The following ZNF804A variants were observed in gnomAD, a reference collection of about 807,000 sequenced individuals.
ZNF804A encodes the protein zinc finger protein 804A.
Under a neutral mutation model 16.5 loss-of-function variants are expected in ZNF804A, and 2 were observed. That is an observed-to-expected ratio of 0.12 (90% CI 0.05 to 0.38). The LOEUF (loss-of-function observed/expected upper bound fraction) is 0.38, where lower values mean the gene tolerates loss of function less well. Among genes scored for constraint, ZNF804A ranks in the 10% least tolerant of loss-of-function variants. ZNF804A has a pLI of 0.99. For missense variants in ZNF804A, 1,473 were observed against 1,390.7 expected, an observed-to-expected ratio of 1.06 and a Z score of -0.94; for synonymous variants, 534 against 489.6, an observed-to-expected ratio of 1.09 and a Z score of -1.20.
chr2:184,906,668 G>A (rs1197454056), intron 2 of ZNF804A, among the ~76,000 whole-genome samples: 2 of 151,994 alleles, frequency 1.3e-5, no homozygotes, highest in African/African-American at 2.4e-5. Flanking sequence ...TGGCCATCAA[G>A]ATTACCAGTA....
chr2:184,718,451 A>T (rs1269077832), intron 1 of ZNF804A, among the ~76,000 whole-genome samples: 3 of 152,174 alleles, frequency 2.0e-5, no homozygotes, highest in Non-Finnish European at 4.4e-5. Context: ...TTAACTCAAA[A>T]GTCCATAGCC....
intron 2 of ZNF804A, among the ~76,000 whole-genome samples, chr2:184,888,538 A>C (rs1684932518): frequency 1.3e-5 from 2 of 152,170 alleles, no homozygotes; most frequent in Admixed American, 1.3e-4. Context: ...AAGCATAGGC[A>C]TCTCATCCCA....
At chr2:184,933,938 G>A (rs568413634) in intron 3 of ZNF804A, among the ~76,000 whole-genome samples, 152 of 151,908 alleles carry the variant, frequency 1.0e-3, no homozygotes, top group African/African-American at 3.5e-3. Context: ...TCAGTAAAAA[G>A]CCAAAATTAC....
chr2:184,776,298 T>C (rs1694283667), intron 1 of ZNF804A, among the ~76,000 whole-genome samples: 1 of 151,282 alleles, frequency 6.6e-6, no homozygotes, highest in African/African-American at 2.4e-5. Context: ...TTGAAAAAAA[T>C]GCTGGAATGA....
chr2:184,681,415 G>A (rs1292239295), intron 1 of ZNF804A, among the ~76,000 whole-genome samples: 1 of 152,202 alleles, frequency 6.6e-6, no homozygotes, highest in Non-Finnish European at 1.5e-5. Context: ...AGAAAGAGCT[G>A]ATATCAAAGT....
At chr2:184,820,230 G>A (rs1193852377) in intron 1 of ZNF804A, among the ~76,000 whole-genome samples, 2 of 151,986 alleles carry the variant, frequency 1.3e-5, no homozygotes, top group Non-Finnish European at 2.9e-5. Context: ...CGATCAAGTT[G>A]GCTTCATCCC....
intron 2 of ZNF804A, among the ~76,000 whole-genome samples, chr2:184,905,796 G>T (rs1045187309): frequency 6.6e-6 from 1 of 152,042 alleles, no homozygotes; most frequent in Non-Finnish European, 1.5e-5. Flanking sequence ...AAATTAGAAG[G>T]CCTTTGTTTT....
At chr2:184,682,229 C>T (rs1156547969) in intron 1 of ZNF804A, among the ~76,000 whole-genome samples, 1 of 152,082 alleles carries the variant, frequency 6.6e-6, no homozygotes, top group South Asian at 2.1e-4. Flanking sequence ...AGAACAAGCC[C>T]GGAGGGTGTC....
At position 184,887,703 on chromosome 2, in the gene ZNF804A, C is replaced by G. The variant is rs1684918241; in HGVS notation, c.255+21191C>G. 2.6e-5 allele frequency among the ~76,000 whole-genome samples: 4 copies of G among 152,154 alleles called. 1 individual carries two copies. Among genetic ancestry groups the G allele is most frequent in the Admixed American group, 2.6e-4 (4 of 15,272 alleles). The stretch of plus-strand genomic sequence containing the variant: ...CATCAGATCTTGTGAGACTTATTCA[C>G]TATCACAAGAACAGCACAGGAAAGA... On this transcript the variant is annotated intron_variant, in intron 2 of 3. Transcript: ENST00000302277.
chr2:184,862,987 C>T (rs1018723322), intron 1 of ZNF804A, among the ~76,000 whole-genome samples: 2 of 151,924 alleles, frequency 1.3e-5, no homozygotes, highest in Admixed American at 6.6e-5. Context: ...GAGAGATATA[C>T]TGAAATATTT....
intron 1 of ZNF804A, among the ~76,000 whole-genome samples, chr2:184,698,044 TA>T (rs1692861279): frequency 6.6e-6 from 1 of 151,942 alleles, no homozygotes; most frequent in Non-Finnish European, 1.5e-5. Flanking sequence ...TAAAAGGAGG[TA>T]AAAGGTTCAG....
At chr2:184,847,421 A>G (rs551258918) in intron 1 of ZNF804A, among the ~76,000 whole-genome samples, 25 of 152,206 alleles carry the variant, frequency 1.6e-4, no homozygotes, top group African/African-American at 6.0e-4. Flanking sequence ...CTTATGATCC[A>G]TTCTTCAGCC....
intron 1 of ZNF804A, among the ~76,000 whole-genome samples, chr2:184,793,091 A>C (rs767983024): frequency 6.6e-6 from 1 of 152,080 alleles, no homozygotes; most frequent in Non-Finnish European, 1.5e-5. Context: ...TCGTGCTGCA[A>C]AGATCATGAT....
chr2:184,923,811 A>G (rs1294775403), intron 2 of ZNF804A, among the ~76,000 whole-genome samples: 1 of 151,968 alleles, frequency 6.6e-6, no homozygotes, highest in Admixed American at 6.6e-5. Context: ...AAACAATTAT[A>G]TGGTTTTTGT....
intron 2 of ZNF804A, among the ~76,000 whole-genome samples, chr2:184,878,317 G>A (rs1684744979): frequency 6.6e-6 from 1 of 152,170 alleles, no homozygotes; most frequent in East Asian, 1.9e-4. Context: ...TATTTTACCA[G>A]GGAGAACTAC....
intron 2 of ZNF804A, among the ~76,000 whole-genome samples, chr2:184,883,167 C>A (rs931519512): frequency 6.6e-6 from 1 of 151,248 alleles, no homozygotes; most frequent in East Asian, 1.9e-4. Flanking sequence ...TGTGTCCACA[C>A]AAGCCAAAAG....
chr2:184,735,648 A>G (rs142100056), intron 1 of ZNF804A, among the ~76,000 whole-genome samples: 12 of 152,348 alleles, frequency 7.9e-5, no homozygotes, highest in Admixed American at 1.3e-4. Context: ...CTGGTACTCA[A>G]TGTTGAAGGT....
At chr2:184,917,177 G>A (rs1191674538) in intron 2 of ZNF804A, among the ~76,000 whole-genome samples, 1 of 152,108 alleles carries the variant, frequency 6.6e-6, no homozygotes, top group Non-Finnish European at 1.5e-5. Context: ...CTCCTTCTAA[G>A]TTAACCTGGC....
intron 2 of ZNF804A, among the ~76,000 whole-genome samples, chr2:184,911,263 A>G (rs1228695786): frequency 6.6e-6 from 1 of 151,806 alleles, no homozygotes; most frequent in East Asian, 2.0e-4. Context: ...CAACTTTGTC[A>G]AAGGTCAGAT....
Sources: gnomAD v4.1 joint callset for allele counts (sites outside exome capture counted in the v4.1 genomes callset) on GRCh38, gnomAD v4.1.1 for gene constraint, MANE v1.5 for transcripts, NCBI Gene and HGNC (gene_info 2026-07-23, HGNC 2026-07-21) for gene names.